The following LRRC32 variants were observed in gnomAD, a reference collection of about 807,000 sequenced individuals.
LRRC32 encodes the protein leucine rich repeat containing 32.
A neutral mutation model predicts 15.0 loss-of-function variants in LRRC32; 5 were observed. That is an observed-to-expected ratio of 0.33 (90% confidence interval 0.17 to 0.70). The LOEUF (loss-of-function observed/expected upper bound fraction) is 0.70. Among genes scored for constraint, LRRC32 ranks in the 30% least tolerant of loss-of-function variants. The pLI is 0.66. For missense variants in LRRC32, 803 were observed against 854.2 expected (o/e 0.94, Z 0.75); for synonymous variants, 391 against 403.9 (o/e 0.97, Z 0.38).
intron 2 of LRRC32, 61 bp from the exon 3 acceptor site, chr11:76,661,569 A>C: frequency 6.7e-7 from 1 of 1,489,046 alleles, no homozygotes; most frequent in Non-Finnish European, 8.9e-7. Flanking sequence ...GGATGAAACC[A>C]GACATGTTTA....
At position 76,660,732 on chromosome 11, in the gene LRRC32, G is replaced by C; in HGVS notation, c.861C>G (p.Ser287Arg). The C allele has an allele frequency of 6.2e-7, 1 of 1,614,148 alleles. No individual in the cohort carries two copies. The highest frequency in any genetic ancestry group is 2.2e-5 in the East Asian group (1 of 44,862). Residue 287 changes from serine (S) to arginine (R), a missense_variant, in exon 3 of 3, where the codon AGC becomes AGG. Transcript: ENST00000260061. ...CCTCGGAAGGTGCGTGGATGCCCTTGCTGTCCTGGGGTGGCCCTGTGGGGA... is the reference window on the plus strand; with the variant it reads ...CCTCGGAAGGTGCGTGGATGCCCTTCCTGTCCTGGGGTGGCCCTGTGGGGA... ...IRLPTGPPQD[S>R]KGIHAPSEGW... is the part of the protein sequence containing the mutation.
intron 2 of LRRC32, among the ~76,000 whole-genome samples, chr11:76,665,428 G>A (rs1952609237): frequency 6.6e-6 from 1 of 152,170 alleles, no homozygotes; most frequent in African/African-American, 2.4e-5. Flanking sequence ...GCAGTCCCAA[G>A]TCAAGGAGCC....
chr11:76,668,825 AT>A (rs1217841780), intron 1 of LRRC32, among the ~76,000 whole-genome samples: 1 of 152,120 alleles, frequency 6.6e-6, no homozygotes, highest in African/African-American at 2.4e-5. Flanking sequence ...ACCCCACTCT[AT>A]CCCCAAGGTG....
In LRRC32 at chr11:76,661,332, GAAGC is replaced by G; in HGVS notation, c.257_260del (p.Ser86ThrfsTer10). 1 of 1,614,214 alleles carries G rather than the reference GAAGC, an allele frequency of 6.2e-7. No homozygotes were observed. Among genetic ancestry groups the G allele is most frequent in the Non-Finnish European group, 8.5e-7 (1 of 1,180,038 alleles). ...GGGCCTGGAAGGCTCCTGGCTGGAG[GAAGC>G]TGATCTCATTGGTGCTCAGGTCCAG... On this transcript the variant is annotated frameshift_variant, in exon 3 of 3. Coordinates refer to ENST00000260061, the MANE Select transcript of LRRC32 (RefSeq NM_001128922.2). LOFTEE classifies it low-confidence loss of function (END_TRUNC).
rs1420226321 is a variant in LRRC32 at position 76,659,991 on chromosome 11, C to G, written c.1602G>C (p.Gln534His). The change falls in exon 3 of 3, where the codon CAG (glutamine) becomes CAC (histidine). Residue 534 changes from glutamine (Q) to histidine (H), a missense_variant. Coordinates refer to ENST00000260061, the MANE Select transcript of LRRC32 (RefSeq NM_001128922.2). ...GGTCCAGCACCTCCAGTGACACAGC[C>G]TGTGTCCAGGCGGGAAGGTGGCTCA... The part of the protein sequence containing the change: ...NRLSHLPAWT[Q>H]AVSLEVLDLR... 6.2e-7 allele frequency: 1 copy of G among 1,614,134 alleles called. No individual in the cohort carries two copies. Among genetic ancestry groups the G allele is most frequent in the Non-Finnish European group, 8.5e-7 (1 of 1,180,042 alleles).
Position 76,665,883 on chromosome 11 carries a change from C to A in LRRC32, c.72G>T (p.Val24=). 1.2e-6 allele frequency: 2 copies of A among 1,614,054 alleles called. No homozygotes were observed. Among genetic ancestry groups the A allele is most frequent in the Non-Finnish European group, 1.7e-6 (2 of 1,179,962 alleles). Residue 24 remains valine, a synonymous_variant, in exon 2 of 3, where the codon GTG becomes GTT. Coordinates refer to ENST00000260061, the MANE Select transcript of LRRC32 (RefSeq NM_001128922.2). ...CAGAGCATCTTACCATCTTACAGGG[C>A]ACTTTGTCTTGGTGTTGTGCAGCCA... ...LGLAAQHQDK[V]PCKMVDKKVS...
chr11:76,666,485 TTC>T (rs2120098660), intron 1 of LRRC32, among the ~76,000 whole-genome samples: 1 of 152,358 alleles, frequency 6.6e-6, no homozygotes, highest in Admixed American at 6.5e-5. Context: ...TTCCTTTTGA[TTC>T]TCTGATTCTC....
In LRRC32 at chr11:76,660,239, C is replaced by G; in HGVS notation, c.1354G>C (p.Asp452His). 6.4e-7 allele frequency: 1 copy of G among 1,574,644 alleles called. No individual in the cohort carries two copies. Among genetic ancestry groups the G allele is most frequent in the Non-Finnish European group, 8.6e-7 (1 of 1,162,502 alleles). ...GCCCTGAGCAGCTCTATCTCATTATCCACCAGGCTCAGGCTGCGGAGGGAG... is the reference window on the plus strand; with the variant it reads ...GCCCTGAGCAGCTCTATCTCATTATGCACCAGGCTCAGGCTGCGGAGGGAG... ...ITSLRSLSLV[D>H]NEIELLRAGA... Residue 452 changes from aspartate to histidine, a missense_variant, in exon 3 of 3, where the codon GAT (aspartate) becomes CAT (histidine). Coordinates refer to ENST00000260061, the MANE Select transcript of LRRC32 (RefSeq NM_001128922.2).
chr11:76,664,501 A>G (rs1952591615), intron 2 of LRRC32, among the ~76,000 whole-genome samples: 1 of 152,222 alleles, frequency 6.6e-6, no homozygotes, highest in Admixed American at 6.5e-5. Flanking sequence ...CCTTTTCAGA[A>G]GCAAAGACTT....
Position 76,668,139 on chromosome 11 carries a change from A to C in LRRC32, c.-4-2181T>G, listed in dbSNP as rs1952654952. 2.0e-5 allele frequency among the ~76,000 whole-genome samples: 3 copies of C among 150,744 alleles called. No individual in the cohort carries two copies. The South Asian group carries it at 6.4e-4, about 32-fold the overall frequency. Reference sequence around the variant, plus strand: ...GGTCAGCAGCGGACAGAAAACCGACACTAGGAGTCTCGGTGACATGGGGTC... The same window carrying C: ...GGTCAGCAGCGGACAGAAAACCGACCCTAGGAGTCTCGGTGACATGGGGTC... On this transcript the variant is annotated intron_variant, in intron 1 of 2. Coordinates refer to ENST00000260061, the MANE Select transcript of LRRC32 (RefSeq NM_001128922.2).
chr11:76,666,120 A>G, intron 1 of LRRC32, 162 bp from the exon 2 acceptor site: 1 of 634,280 alleles, frequency 1.6e-6, no homozygotes, highest in Non-Finnish European at 2.8e-6. Context: ...CCAGGTGGGA[A>G]ATGGGCCTGC....
At chr11:76,668,209 A>C (rs77912326) in intron 1 of LRRC32, among the ~76,000 whole-genome samples, 1,536 of 152,108 alleles carry the variant, frequency 0.01, 35 homozygotes, top group East Asian at 0.052. Context: ...ACCTCTCTGC[A>C]ACGTTCCCTT....
In LRRC32 at chr11:76,660,975, C is replaced by T. The variant is rs1320688748; in HGVS notation, c.618G>A (p.Arg206=). The change falls in exon 3 of 3, where the codon AGG becomes AGA. Residue 206 remains arginine, a synonymous_variant. Coordinates refer to ENST00000260061, the MANE Select transcript of LRRC32 (RefSeq NM_001128922.2). ...AGTCGGAGATGCAGGTGAGGGAATT[C>T]CTGGAGAGGTTGAGATGGGTCAGGC... ...LPRLTHLNLS[R]NSLTCISDFS... is the part of the protein sequence containing the mutation. The T allele has an allele frequency of 6.2e-7, 1 of 1,614,132 alleles. No homozygotes were observed. Among genetic ancestry groups the T allele is most frequent in the Non-Finnish European group, 8.5e-7 (1 of 1,180,016 alleles).
At position 76,659,592 on chromosome 11, in the gene LRRC32, C is replaced by A; in HGVS notation, c.*12G>T. ...AGGCTCCCCCACTGACCTAGAGTGT[C>A]TCCCGGCTTCTTTAGGCTTTATACT... On this transcript the variant is annotated 3_prime_UTR_variant, in exon 3 of 3. Coordinates refer to ENST00000260061, the MANE Select transcript of LRRC32 (RefSeq NM_001128922.2). The A allele has an allele frequency of 6.2e-7, 1 of 1,611,056 alleles. No individual in the cohort carries two copies. Among genetic ancestry groups the A allele is most frequent in the South Asian group, 1.1e-5 (1 of 90,716 alleles).
chr11:76,667,589 C>A (rs969136394), intron 1 of LRRC32, among the ~76,000 whole-genome samples: 1 of 152,258 alleles, frequency 6.6e-6, no homozygotes, highest in South Asian at 2.1e-4. Flanking sequence ...GCTGCCCCTG[C>A]AGCTGCTCTG....
chr11:76,659,106 C>T lies in LRRC32; in HGVS notation c.*498G>A, dbSNP rs1325221222. Reference sequence around the variant, plus strand: ...TCAGACAAATCCTCCTGGGCTTGGCCCTCCCTCACCCTGGCACAGCCGGGG... The same window carrying T: ...TCAGACAAATCCTCCTGGGCTTGGCTCTCCCTCACCCTGGCACAGCCGGGG... On this transcript the variant is annotated 3_prime_UTR_variant, in exon 3 of 3. Coordinates refer to ENST00000260061, the MANE Select transcript of LRRC32 (RefSeq NM_001128922.2). 3 of 157,282 alleles carry T rather than the reference C, an allele frequency of 1.9e-5. No individual in the cohort carries two copies. Among genetic ancestry groups the T allele is most frequent in the Admixed American group, 6.1e-5 (1 of 16,456 alleles). The allele number at this position is 157,282 out of a possible 1,614,324, so 9.7% of individuals were successfully genotyped here.
chr11:76,666,027 T>A, intron 1 of LRRC32, 69 bp from the exon 2 acceptor site: 1 of 1,410,068 alleles, frequency 7.1e-7, no homozygotes, highest in Non-Finnish European at 1.0e-6. Context: ...CAGCCCCCAC[T>A]CCCACCCATT....
At chr11:76,669,466 A>G (rs1477080413) in intron 1 of LRRC32, among the ~76,000 whole-genome samples, 1 of 152,050 alleles carries the variant, frequency 6.6e-6, no homozygotes, top group East Asian at 1.9e-4. Context: ...CCACCCCTAC[A>G]TTTAAGGATG....
intron 1 of LRRC32, among the ~76,000 whole-genome samples, chr11:76,666,855 G>A (rs986536294): frequency 6.6e-6 from 1 of 152,214 alleles, no homozygotes; most frequent in Non-Finnish European, 1.5e-5. Context: ...GCTCTGTGCT[G>A]GGAACTGGGA....
Sources: gnomAD v4.1 joint callset for allele counts (sites outside exome capture counted in the v4.1 genomes callset) on GRCh38, gnomAD v4.1.1 for gene constraint, MANE v1.5 for transcripts, NCBI Gene and HGNC (gene_info 2026-07-23, HGNC 2026-07-21) for gene names.